The following OSBPL6 variants were observed in gnomAD, a reference collection of about 807,000 sequenced individuals.
The protein encoded by OSBPL6 is oxysterol-binding protein-related protein 6.
In OSBPL6, 49 loss-of-function variants were observed where a neutral mutation model predicts 125.8. The observed-to-expected ratio is 0.39, with a 90% CI of 0.31 to 0.49. The LOEUF is 0.49. Among genes scored for constraint, OSBPL6 ranks in the 20% least tolerant of loss-of-function variants. The pLI, the probability that OSBPL6 is intolerant of heterozygous loss-of-function variation, is 0.88. For missense variants in OSBPL6, 986 were observed against 1,135.4 expected, an observed-to-expected ratio of 0.87 and a Z score of 1.89; for synonymous variants, 394 against 391.8, an observed-to-expected ratio of 1.01 and a Z score of -0.07.
chr2:178,260,489 C>T (rs1238376279), intron 1 of OSBPL6, among the ~76,000 whole-genome samples: 1 of 152,048 alleles, frequency 6.6e-6, no homozygotes, highest in Non-Finnish European at 1.5e-5. Flanking sequence ...GTGTTTCAGG[C>T]TCATTCTATT....
At chr2:178,283,390 A>G (rs941695217) in intron 1 of OSBPL6, among the ~76,000 whole-genome samples, 1 of 152,234 alleles carries the variant, frequency 6.6e-6, no homozygotes, top group African/African-American at 2.4e-5. Flanking sequence ...ATAAGTAAAA[A>G]AAAAAAAGGA....
At chr2:178,362,711 T>C (rs1239415016) in intron 13 of OSBPL6, among the ~76,000 whole-genome samples, 1 of 152,158 alleles carries the variant, frequency 6.6e-6, no homozygotes. Context: ...CGTGTCACCG[T>C]GTTTTACGTC....
intron 19 of OSBPL6, 39 bp from the exon 20 acceptor site, chr2:178,387,022 T>C (rs150994727): frequency 1.5e-6 from 2 of 1,344,180 alleles, no homozygotes; most frequent in African/African-American, 2.9e-5. Flanking sequence ...TGATTAGATA[T>C]GGGGTATGTA....
intron 15 of OSBPL6, among the ~76,000 whole-genome samples, chr2:178,380,535 A>C (rs563665625): frequency 2.0e-5 from 3 of 151,466 alleles, no homozygotes; most frequent in Non-Finnish European, 4.4e-5. Context: ...GGATAGTGTA[A>C]AGTGTTTAAG....
intron 17 of OSBPL6, among the ~76,000 whole-genome samples, chr2:178,383,822 C>T (rs986450491): frequency 1.3e-5 from 2 of 152,206 alleles, no homozygotes; most frequent in South Asian, 4.1e-4. Flanking sequence ...TGCTTCACCT[C>T]AGTGGCCTGC....
Position 178,324,277 on chromosome 2 carries a change from A to G in OSBPL6, c.195+8A>G. On this transcript the variant is annotated splice_region_variant and intron_variant, in intron 4 of 24. Coordinates refer to ENST00000190611, the MANE Select transcript of OSBPL6 (RefSeq NM_032523.4). ...CCAGTCCCCCTCTCCAAGGTCAGTG[A>G]TGAAATGCGGTGCTTTCTCTGCTGG... The G allele has an allele frequency of 3.9e-6, 6 of 1,553,904 alleles. No individual in the cohort carries two copies. Among genetic ancestry groups the G allele is most frequent in the Non-Finnish European group, 4.4e-6 (5 of 1,140,240 alleles).
At chr2:178,339,591 T>A in intron 10 of OSBPL6, 81 bp from the exon 11 acceptor site, 1 of 1,131,560 alleles carries the variant, frequency 8.8e-7, no homozygotes, top group Non-Finnish European at 1.2e-6. Flanking sequence ...CTTTAGTAAC[T>A]TGCTGTGCTC....
Position 178,384,027 on chromosome 2 carries a change from A to G in OSBPL6, c.1876-12A>G, listed in dbSNP as rs1308288228. On this transcript the variant is annotated splice_polypyrimidine_tract_variant and intron_variant, in intron 17 of 24. Coordinates refer to ENST00000190611, the MANE Select transcript of OSBPL6 (RefSeq NM_032523.4). ...CTCCTATATTATTCCCTTTTCTTCA[A>G]TGTTTTAACAGGTTCTCGTTGCCGC... The G allele has an allele frequency of 1.9e-6, 3 of 1,612,352 alleles. No individual in the cohort carries two copies. Among genetic ancestry groups the G allele is most frequent in the Non-Finnish European group, 2.5e-6 (3 of 1,178,508 alleles).
chr2:178,252,700 C>G (rs956470252), intron 1 of OSBPL6, among the ~76,000 whole-genome samples: 1 of 152,148 alleles, frequency 6.6e-6, no homozygotes, highest in Non-Finnish European at 1.5e-5. Context: ...TTTAGATAGG[C>G]AGATAGATGT....
At chr2:178,219,000 T>C (rs976831273) in intron 1 of OSBPL6, among the ~76,000 whole-genome samples, 2 of 152,108 alleles carry the variant, frequency 1.3e-5, no homozygotes, top group Non-Finnish European at 2.9e-5. Context: ...TTTTATTCTC[T>C]CCACTCCTGA....
At position 178,374,015 on chromosome 2, in the gene OSBPL6, G is replaced by C. The variant is rs376058450; in HGVS notation, c.1521G>C (p.Ser507=). 6.2e-7 allele frequency: 1 copy of C among 1,613,948 alleles called. No individual in the cohort carries two copies. The highest frequency in any genetic ancestry group is 1.1e-5 in the South Asian group (1 of 91,066). The part of the protein sequence containing the change: ...DAQEVLLSAS[S]SENEASDDES... ...AAGAGGTGCTCCTCTCTGCAAGTTC[G>C]TCAGAGAATGAGGTATGTATGCCTC... The change falls in exon 15 of 25, where the codon TCG becomes TCC. Residue 507 remains serine (S), a synonymous_variant. Coordinates refer to ENST00000190611, the MANE Select transcript of OSBPL6 (RefSeq NM_032523.4).
At chr2:178,215,451 G>C (rs1052331708) in intron 1 of OSBPL6, among the ~76,000 whole-genome samples, 2 of 152,160 alleles carry the variant, frequency 1.3e-5, no homozygotes, top group Non-Finnish European at 2.9e-5. Context: ...GTGGAGATGA[G>C]GCTGAATACC....
intron 3 of OSBPL6, among the ~76,000 whole-genome samples, chr2:178,322,820 ATACAGTGACACTTGTATCTTTGATCTT>A (rs1454709855): frequency 6.6e-6 from 1 of 151,904 alleles, no homozygotes; most frequent in East Asian, 1.9e-4. Context: ...TATCTCTGTA[ATACAGTGACACTTGTATCTTTGATCTT>A]TACAGTGACA....
At position 178,237,390 on chromosome 2, in the gene OSBPL6, C is replaced by A. The variant is rs140090196; in HGVS notation, c.-351+42716C>A. 5.9e-3 allele frequency among the ~76,000 whole-genome samples: 890 copies of A among 152,108 alleles called. 10 individuals are homozygous for A. The highest frequency in any genetic ancestry group is 0.021 in the African/African-American group (851 of 41,472). ...TTGTCTCAAATTCTCTGCATTCTTA[C>A]TGCCTATGCTTTCATTCCTCCTGTT... On this transcript the variant is annotated intron_variant, in intron 1 of 24. Coordinates refer to ENST00000190611, the MANE Select transcript of OSBPL6 (RefSeq NM_032523.4).
At chr2:178,267,570 T>C (rs544399962) in intron 1 of OSBPL6, among the ~76,000 whole-genome samples, 2 of 152,144 alleles carry the variant, frequency 1.3e-5, no homozygotes, top group African/African-American at 4.8e-5. Flanking sequence ...AGTAAGTGAT[T>C]TTCAGGTTTC....
At chr2:178,251,236 C>T (rs1270524462) in intron 1 of OSBPL6, among the ~76,000 whole-genome samples, 1 of 152,098 alleles carries the variant, frequency 6.6e-6, no homozygotes, top group Non-Finnish European at 1.5e-5. Flanking sequence ...GTCAGAGAGC[C>T]CACAGTGATC....
At chr2:178,349,192 G>A (rs781375184) in intron 11 of OSBPL6, 32 bp from the exon 12 acceptor site, 2 of 1,604,930 alleles carry the variant, frequency 1.2e-6, no homozygotes, top group Admixed American at 3.3e-5. Flanking sequence ...ATGCACTGTT[G>A]CTGTTTAATA....
chr2:178,379,610 A>G (rs969917361), intron 15 of OSBPL6, among the ~76,000 whole-genome samples: 4 of 152,270 alleles, frequency 2.6e-5, no homozygotes, highest in African/African-American at 9.6e-5. Context: ...AATTTGGTTT[A>G]GGTAGACATT....
At chr2:178,347,095 C>T (rs1690793005) in intron 11 of OSBPL6, among the ~76,000 whole-genome samples, 1 of 151,714 alleles carries the variant, frequency 6.6e-6, no homozygotes, top group Admixed American at 6.6e-5. Context: ...GCATCTGACT[C>T]CAACATTTAA....
Sources: gnomAD v4.1 joint callset for allele counts (sites outside exome capture counted in the v4.1 genomes callset) on GRCh38, gnomAD v4.1.1 for gene constraint, MANE v1.5 for transcripts, NCBI Gene and HGNC (gene_info 2026-07-23, HGNC 2026-07-21) for gene names.